Variants in PTPN2 observed in about 807,000 individuals in gnomAD.
PTPN2 encodes the protein tyrosine-protein phosphatase non-receptor type 2.
In PTPN2, 19 loss-of-function variants were observed where a neutral mutation model predicts 57.3. That is an observed-to-expected ratio of 0.33 (90% CI 0.23 to 0.49). The LOEUF is 0.49. Ranked by LOEUF, PTPN2 falls within the 20% of genes least tolerant of loss-of-function variation. The pLI is 0.99. For missense variants in PTPN2, 358 were observed against 501.1 expected, an observed-to-expected ratio of 0.71 and a Z score of 2.73; for synonymous variants, 153 against 164.9, an observed-to-expected ratio of 0.93 and a Z score of 0.55.
At chr18:12,870,322 TATATATATGTATATATATAC>T in intron 1 of PTPN2, among the ~76,000 whole-genome samples, 1 of 46,084 alleles carries the variant, frequency 2.2e-5, no homozygotes, top group Non-Finnish European at 3.8e-5. Flanking sequence ...TATATATGTG[TATATATATGTATATATATAC>T]ATATATATGT....
chr18:12,843,942 C>A (rs941622334), intron 2 of PTPN2: 3 of 152,126 alleles, frequency 2.0e-5, no homozygotes, highest in African/African-American at 7.2e-5. Flanking sequence ...TGCCCCTTGG[C>A]AGGCACACTC....
At position 12,792,329 on chromosome 18, in the gene PTPN2, C is replaced by A; in HGVS notation, c.*1949G>T. ...GACGAAGTCTTGCTCTGTTGCCAGG[C>A]TGGAGTGCAGTGGTGCAATCTCGGC... is the stretch of plus-strand genomic sequence containing the variant. On this transcript the variant is annotated 3_prime_UTR_variant, in exon 9 of 9. Coordinates refer to ENST00000309660, the MANE Select transcript of PTPN2 (RefSeq NM_002828.4). 1.3e-6 allele frequency: 1 copy of A among 762,202 alleles called. No individual in the cohort carries two copies. The highest frequency in any genetic ancestry group is 1.6e-6 in the Non-Finnish European group (1 of 633,798). 47.2% of individuals were successfully genotyped at this position (762,202 alleles called of 1,614,324 possible).
intron 7 of PTPN2, among the ~76,000 whole-genome samples, chr18:12,812,484 A>C (rs2041924623): frequency 6.6e-6 from 1 of 152,160 alleles, no homozygotes; most frequent in Non-Finnish European, 1.5e-5. Flanking sequence ...CTGTAATCCC[A>C]ACTACTCGGA....
At chr18:12,861,768 C>T (rs2043816181) in intron 1 of PTPN2, among the ~76,000 whole-genome samples, 1 of 152,156 alleles carries the variant, frequency 6.6e-6, no homozygotes, top group African/African-American at 2.4e-5. Context: ...GGACTCCCTC[C>T]ACTTCTTCCA....
chr18:12,883,104 G>C (rs746681209), intron 1 of PTPN2, among the ~76,000 whole-genome samples: 1 of 152,190 alleles, frequency 6.6e-6, no homozygotes. Context: ...GATAGGCATC[G>C]GAACACCGTG....
At chr18:12,812,141 T>C (rs2041911478) in intron 7 of PTPN2, among the ~76,000 whole-genome samples, 1 of 152,298 alleles carries the variant, frequency 6.6e-6, no homozygotes, top group South Asian at 2.1e-4. Flanking sequence ...TGCTAATAAA[T>C]ATGTGGTAAT....
At chr18:12,883,490 G>C (rs1457296240) in intron 1 of PTPN2, 3 of 152,166 alleles carry the variant, frequency 2.0e-5, no homozygotes, top group African/African-American at 7.2e-5. Flanking sequence ...AGAGGGCTGC[G>C]GCGGCCGGCC....
intron 7 of PTPN2, among the ~76,000 whole-genome samples, chr18:12,809,553 G>A (rs1487512432): frequency 6.6e-6 from 1 of 152,208 alleles, no homozygotes; most frequent in Non-Finnish European, 1.5e-5. Context: ...GATTACCTAT[G>A]ACTGACACTG....
At position 12,860,619 on chromosome 18, in the gene PTPN2, A is replaced by G. The variant is rs544539972; in HGVS notation, c.70-1365T>C. On this transcript the variant is annotated intron_variant, in intron 1 of 8. Coordinates refer to ENST00000309660, the MANE Select transcript of PTPN2 (RefSeq NM_002828.4). The stretch of plus-strand genomic sequence containing the variant: ...AAGCAAAACAAAACAAAAATTAGCC[A>G]AGCCTGGTGACGAGCGCCTGTAATC... 2.0e-5 allele frequency among the ~76,000 whole-genome samples: 3 copies of G among 152,060 alleles called. No individual in the cohort carries two copies. In the South Asian group the frequency reaches 6.2e-4, roughly 32 times the overall value.
At chr18:12,826,565 C>T (rs1026959925) in intron 4 of PTPN2, among the ~76,000 whole-genome samples, 1 of 152,148 alleles carries the variant, frequency 6.6e-6, no homozygotes, top group Non-Finnish European at 1.5e-5. Flanking sequence ...TTTTCTGTCT[C>T]CATAGGCTTT....
intron 8 of PTPN2, 40 bp from the exon 9 acceptor site, chr18:12,794,525 G>A (rs781411964): frequency 5.6e-6 from 9 of 1,603,196 alleles, no homozygotes; most frequent in Non-Finnish European, 7.6e-6. Flanking sequence ...AGTGCACACA[G>A]AGCAGGACTT....
chr18:12,873,848 T>C (rs912898900), intron 1 of PTPN2, among the ~76,000 whole-genome samples: 4 of 151,792 alleles, frequency 2.6e-5, no homozygotes, highest in African/African-American at 9.7e-5. Flanking sequence ...GTGAGGAGCG[T>C]CTCTGCCCGG....
chr18:12,832,233 A>G (rs1467575711), intron 3 of PTPN2, among the ~76,000 whole-genome samples: 1 of 152,028 alleles, frequency 6.6e-6, no homozygotes, highest in Non-Finnish European at 1.5e-5. Context: ...TCTCCTGCCT[A>G]AGCCTCCCAC....
At position 12,884,101 on chromosome 18, in the gene PTPN2, G is replaced by C. The variant is rs1184779249; in HGVS notation, c.41C>G (p.Thr14Ser). The C allele has an allele frequency of 2.5e-6, 4 of 1,587,406 alleles. No homozygotes were observed. The South Asian group carries it at 4.6e-5, about 18-fold the overall frequency. The change falls in exon 1 of 9, where the codon ACT becomes AGT. Residue 14 changes from threonine to serine, a missense_variant. By Grantham distance (58) the Thr-to-Ser change is moderately conservative. Transcript: ENST00000309660. ...TIEREFEELDTQRRWQPLYLE... is the reference protein window; with the variant it reads ...TIEREFEELDSQRRWQPLYLE... ...GTACAGCGGCTGCCAGCGACGCTGA[G>C]TATCCAACTCTTCGAACTCCCGCTC... is the stretch of plus-strand genomic sequence containing the variant.
In PTPN2 at chr18:12,884,080, A is replaced by C; in HGVS notation, c.62T>G (p.Leu21Arg). Residue 21 changes from leucine (L) to arginine (R), a missense_variant, in exon 1 of 9, where the codon CTG becomes CGG. Physicochemically the swap from Leu to Arg is moderately radical, Grantham distance 102. Coordinates refer to ENST00000309660, the MANE Select transcript of PTPN2 (RefSeq NM_002828.4). The part of the protein sequence containing the change: ...ELDTQRRWQP[L>R]YLEIRNESHD... ...CGTGGGTCCGCGACTCACCAAGTAC[A>C]GCGGCTGCCAGCGACGCTGAGTATC... 2 of 1,578,142 alleles carry C rather than the reference A, an allele frequency of 1.3e-6. No homozygotes were observed. Among genetic ancestry groups the C allele is most frequent in the Non-Finnish European group, 1.7e-6 (2 of 1,163,846 alleles).
intron 1 of PTPN2, 193 bp downstream of exon 1, chr18:12,883,870 CTTTTTTTTTT>C (rs397959555): frequency 5.1e-6 from 2 of 389,624 alleles, no homozygotes. Flanking sequence ...CTCAAGTATG[CTTTTTTTTTT>C]TTTTTTTTTA....
At chr18:12,877,615 TGAG>T (rs1295859010) in intron 1 of PTPN2, among the ~76,000 whole-genome samples, 1 of 152,218 alleles carries the variant, frequency 6.6e-6, no homozygotes, top group Non-Finnish European at 1.5e-5. Context: ...GCTGTAAGTA[TGAG>T]AAGAACAGTG....
At chr18:12,817,791 A>G (rs1290875974) in intron 5 of PTPN2, among the ~76,000 whole-genome samples, 1 of 152,220 alleles carries the variant, frequency 6.6e-6, no homozygotes, top group African/African-American at 2.4e-5. Flanking sequence ...GTTACCATAC[A>G]TGTTACCAAT....
intron 2 of PTPN2, among the ~76,000 whole-genome samples, chr18:12,842,134 G>A (rs772487338): frequency 2.0e-5 from 3 of 152,088 alleles, no homozygotes; most frequent in African/African-American, 4.8e-5. Context: ...TTGAACTCTC[G>A]ACCTCAGGTG....
Sources: allele counts gnomAD v4.1 joint callset (sites outside exome capture counted in the v4.1 genomes callset), GRCh38; gene constraint gnomAD v4.1.1; transcripts MANE v1.5; gene names NCBI Gene and HGNC (gene_info 2026-07-23, HGNC 2026-07-21).